Variants in NSL1 observed in about 807,000 individuals in gnomAD.
NSL1 encodes NSL1 component of MIS12 kinetochore complex, also known as kinetochore-associated protein NSL1 homolog.
Under a neutral mutation model 25.4 loss-of-function variants are expected in NSL1, and 11 were observed. That is an observed-to-expected ratio of 0.43 (90% CI 0.27 to 0.72). NSL1 has a LOEUF of 0.72. Among genes scored for constraint, NSL1 ranks in the 30% least tolerant of loss-of-function variants. NSL1 has a pLI of 0.19. For missense variants in NSL1, 330 were observed against 342.7 expected, an observed-to-expected ratio of 0.96 and a Z score of 0.29; for synonymous variants, 118 against 120.6, an observed-to-expected ratio of 0.98 and a Z score of 0.14.
rs376862440 is a variant in NSL1 at position 212,775,339 on chromosome 1, ACT to A, written c.499+7031_499+7032del. On this transcript the variant is annotated intron_variant, in intron 4 of 5. Transcript: ENST00000366977. ...AAATTGATTATCATGATGTTGCATAACTCTGTGAATAAACTAAAGCCACTGAG... is the reference window on the plus strand; with the variant it reads ...AAATTGATTATCATGATGTTGCATAACTGTGAATAAACTAAAGCCACTGAG... Among the ~76,000 whole-genome samples the A allele has an allele frequency of 4.4e-3, 667 of 152,306 alleles. 3 individuals are homozygous for A. Among genetic ancestry groups the A allele is most frequent in the African/African-American group, 0.015 (642 of 41,564 alleles).
intron 2 of NSL1, among the ~76,000 whole-genome samples, chr1:212,785,373 G>A (rs1006830465): frequency 6.6e-5 from 10 of 151,684 alleles, no homozygotes; most frequent in Non-Finnish European, 1.3e-4. Flanking sequence ...TAAGTTCTAG[G>A]GTACATGTAC....
At chr1:212,742,250 A>T (rs1658541242) in intron 4 of NSL1, among the ~76,000 whole-genome samples, 2 of 152,226 alleles carry the variant, frequency 1.3e-5, no homozygotes, top group Admixed American at 1.3e-4. Context: ...GCCTACTTAT[A>T]ATGAGTAAGC....
chr1:212,729,082 A>G lies in NSL1; in HGVS notation c.*9326T>C. On this transcript the variant is annotated 3_prime_UTR_variant, in exon 6 of 6. Transcript: ENST00000366977. The stretch of plus-strand genomic sequence containing the variant: ...GCTTACAAGAAAAATAAATTGCAGT[A>G]AGTGTTAAAACTTGCCAGTCAATTA... 1 of 985,410 alleles carries G rather than the reference A, an allele frequency of 1.0e-6. No homozygotes were observed. The highest frequency in any genetic ancestry group is 1.2e-6 in the Non-Finnish European group (1 of 829,884). The allele number at this position is 985,410 out of a possible 1,614,324, so 61.0% of individuals were successfully genotyped here. A position where few individuals can be genotyped will look rare whatever the true frequency, so the allele number is the denominator to read the frequency against.
chr1:212,785,460 A>G (rs989336484), intron 2 of NSL1, among the ~76,000 whole-genome samples: 2 of 152,162 alleles, frequency 1.3e-5, no homozygotes, highest in South Asian at 4.2e-4. Flanking sequence ...CATTTACATT[A>G]GATATATCTC....
chr1:212,748,531 A>T (rs1166908782), intron 4 of NSL1, among the ~76,000 whole-genome samples: 1 of 152,238 alleles, frequency 6.6e-6, no homozygotes, highest in African/African-American at 2.4e-5. Context: ...ACAATAACAA[A>T]GAACTTCTGC....
At chr1:212,779,391 G>GC (rs1400911735) in intron 4 of NSL1, among the ~76,000 whole-genome samples, 1 of 137,294 alleles carries the variant, frequency 7.3e-6, no homozygotes, top group Non-Finnish European at 1.6e-5. Flanking sequence ...GGGGGGGTCA[G>GC]CCCCCCGCCC....
At chr1:212,782,315 A>G in intron 4 of NSL1, 57 bp downstream of exon 4, 1 of 1,195,806 alleles carries the variant, frequency 8.4e-7, no homozygotes. Flanking sequence ...AATATCAGAA[A>G]CCCATAAAAA....
At chr1:212,745,382 A>G (rs1380126720) in intron 4 of NSL1, among the ~76,000 whole-genome samples, 4 of 152,004 alleles carry the variant, frequency 2.6e-5, no homozygotes, top group African/African-American at 9.7e-5. Flanking sequence ...ACAAACTCCA[A>G]GCAGAAAAAC....
intron 4 of NSL1, among the ~76,000 whole-genome samples, chr1:212,776,545 A>G (rs1660377858): frequency 6.6e-6 from 1 of 151,710 alleles, no homozygotes; most frequent in African/African-American, 2.4e-5. Context: ...ACAGAGCGAG[A>G]CTATGTCTCA....
At chr1:212,778,394 G>GCTCTCTC (rs138207174) in intron 4 of NSL1, among the ~76,000 whole-genome samples, 4 of 151,972 alleles carry the variant, frequency 2.6e-5, no homozygotes, top group South Asian at 2.1e-4. Context: ...GTCAGTTTTC[G>GCTCTCTC]CTCTCTCCTC....
chr1:212,747,425 A>G (rs1424819510), intron 4 of NSL1, among the ~76,000 whole-genome samples: 2 of 152,322 alleles, frequency 1.3e-5, no homozygotes, highest in East Asian at 3.9e-4. Flanking sequence ...AAAGTCTCTA[A>G]CACACCAGCC....
Position 212,727,157 on chromosome 1 carries a change from A to C in NSL1, c.*11251T>G. 6.3e-7 allele frequency: 1 copy of C among 1,575,274 alleles called. No individual in the cohort carries two copies. Reference sequence around the variant, plus strand: ...CCCTTCTCTCCTAAACTGCCCCTAGAGCTAGTCCACCAGGCTTGGCTCCTA... The same window carrying C: ...CCCTTCTCTCCTAAACTGCCCCTAGCGCTAGTCCACCAGGCTTGGCTCCTA... On this transcript the variant is annotated 3_prime_UTR_variant, in exon 6 of 6. Transcript: ENST00000366977.
chr1:212,741,808 A>T (rs1486354066), intron 4 of NSL1, among the ~76,000 whole-genome samples: 1 of 152,200 alleles, frequency 6.6e-6, no homozygotes, highest in Non-Finnish European at 1.5e-5. Context: ...CCCATCAAGG[A>T]ACATTCAGTT....
At chr1:212,749,935 C>T (rs1209523534) in intron 4 of NSL1, among the ~76,000 whole-genome samples, 1 of 147,838 alleles carries the variant, frequency 6.8e-6, no homozygotes, top group Non-Finnish European at 1.5e-5. Context: ...ATCTAGTATG[C>T]CTGGCCCCTG....
rs899816583 is a variant in NSL1 at position 212,737,749 on chromosome 1, A to G, written c.*659T>C. On this transcript the variant is annotated 3_prime_UTR_variant, in exon 6 of 6. Coordinates refer to ENST00000366977, the MANE Select transcript of NSL1 (RefSeq NM_015471.4). ...TCTATAGAAAAAAGTGAGTGTGGGCAGGAAACATTGGCTACATGCCAATTT... is the reference window on the plus strand; with the variant it reads ...TCTATAGAAAAAAGTGAGTGTGGGCGGGAAACATTGGCTACATGCCAATTT... 2.0e-6 allele frequency: 2 copies of G among 984,790 alleles called. No homozygotes were observed. The highest frequency in any genetic ancestry group is 3.5e-5 in the African/African-American group (2 of 57,228). The allele number at this position is 984,790 out of a possible 1,614,324, so 61.0% of individuals were successfully genotyped here. A position where few individuals can be genotyped will look rare whatever the true frequency, so the allele number is the denominator to read the frequency against.
chr1:212,778,899 A>G (rs1660522241), intron 4 of NSL1, among the ~76,000 whole-genome samples: 1 of 133,958 alleles, frequency 7.5e-6, no homozygotes, highest in Admixed American at 7.7e-5. Flanking sequence ...CCGGCTGCCC[A>G]GTCTGGAAAG....
At chr1:212,767,812 T>A (rs1659891244) in intron 4 of NSL1, among the ~76,000 whole-genome samples, 1 of 151,844 alleles carries the variant, frequency 6.6e-6, no homozygotes, top group Non-Finnish European at 1.5e-5. Flanking sequence ...AACAAACATA[T>A]GAAAAAAATG....
intron 3 of NSL1, 124 bp from the exon 4 acceptor site, chr1:212,782,550 C>T (rs1660774244): frequency 4.1e-6 from 3 of 736,044 alleles, no homozygotes; most frequent in Middle Eastern, 3.9e-4. Flanking sequence ...AAAATTAAAT[C>T]CTACTGTCTG....
intron 4 of NSL1, among the ~76,000 whole-genome samples, chr1:212,761,246 T>G (rs1490375179): frequency 6.6e-6 from 1 of 152,050 alleles, no homozygotes; most frequent in African/African-American, 2.4e-5. Flanking sequence ...AGCAAAAGAT[T>G]CCAGTGAAAA....
Sources: gnomAD v4.1 joint callset for allele counts (sites outside exome capture counted in the v4.1 genomes callset) on GRCh38, gnomAD v4.1.1 for gene constraint, MANE v1.5 for transcripts, NCBI Gene and HGNC (gene_info 2026-07-23, HGNC 2026-07-21) for gene names.